Variants in MAP4K3 observed in about 807,000 individuals in gnomAD.
The protein encoded by MAP4K3 is mitogen-activated protein kinase kinase kinase kinase 3.
In MAP4K3, 94 loss-of-function variants were observed where a neutral mutation model predicts 143.5. That is an observed-to-expected ratio of 0.65 (90% CI 0.55 to 0.78). MAP4K3 has a LOEUF of 0.78. Among genes scored for constraint, MAP4K3 ranks in the 30% least tolerant of loss-of-function variants. MAP4K3 has a pLI of 0.00. For missense variants in MAP4K3, 1,077 were observed against 1,068.1 expected (o/e 1.01, Z -0.12); for synonymous variants, 416 against 347.2 (o/e 1.20, Z -2.20).
At position 39,357,082 on chromosome 2, in the gene MAP4K3, G is replaced by C. The variant is rs1296459164; in HGVS notation, c.155-743C>G. Among the ~76,000 whole-genome samples the C allele has an allele frequency of 2.0e-5, 3 of 152,182 alleles. No individual in the cohort carries two copies. In the East Asian group the frequency reaches 5.8e-4, roughly 29 times the overall value. ...CAGAATGGGACTGTATTTTAGCCTG[G>C]TCAGACTATTAGCAAATAATCTCTC... is the stretch of plus-strand genomic sequence containing the variant. On this transcript the variant is annotated intron_variant, in intron 2 of 33. Transcript: ENST00000263881.
intron 30 of MAP4K3, 38 bp from the exon 31 acceptor site, chr2:39,258,478 G>A: frequency 6.3e-7 from 1 of 1,595,348 alleles, no homozygotes; most frequent in Non-Finnish European, 8.6e-7. Context: ...TAAGATAAAA[G>A]AAGTCTTATT....
At chr2:39,419,905 A>G (rs907084828) in intron 1 of MAP4K3, among the ~76,000 whole-genome samples, 2 of 152,216 alleles carry the variant, frequency 1.3e-5, no homozygotes, top group African/African-American at 4.8e-5. Flanking sequence ...AAGATGGTGG[A>G]GCACAGGATG....
intron 24 of MAP4K3, among the ~76,000 whole-genome samples, chr2:39,276,264 T>C (rs1265959170): frequency 6.6e-6 from 1 of 152,182 alleles, no homozygotes; most frequent in African/African-American, 2.4e-5. Flanking sequence ...TACCATTCTC[T>C]TCAAATCAAC....
At chr2:39,364,163 G>A (rs970795890) in intron 2 of MAP4K3, among the ~76,000 whole-genome samples, 2 of 152,088 alleles carry the variant, frequency 1.3e-5, no homozygotes, top group African/African-American at 2.4e-5. Flanking sequence ...TCACTTGTGG[G>A]TATATACCCC....
chr2:39,423,171 T>C (rs1664940430), intron 1 of MAP4K3, among the ~76,000 whole-genome samples: 1 of 152,194 alleles, frequency 6.6e-6, no homozygotes, highest in African/African-American at 2.4e-5. Context: ...TAGGAAAAGA[T>C]GACCAACATC....
chr2:39,280,991 A>T (rs192061194), intron 22 of MAP4K3, among the ~76,000 whole-genome samples: 25 of 152,326 alleles, frequency 1.6e-4, no homozygotes, highest in Middle Eastern at 3.4e-3. Context: ...ATATATCATA[A>T]TGAAATATAT....
chr2:39,276,355 T>C (rs1267371844), intron 24 of MAP4K3, among the ~76,000 whole-genome samples: 2 of 152,222 alleles, frequency 1.3e-5, no homozygotes, highest in African/African-American at 4.8e-5. Flanking sequence ...AAAGTTAACC[T>C]AGACCTCTCT....
At chr2:39,399,883 A>G (rs1168734003) in intron 1 of MAP4K3, among the ~76,000 whole-genome samples, 1 of 152,192 alleles carries the variant, frequency 6.6e-6, no homozygotes, top group Admixed American at 6.5e-5. Flanking sequence ...CATAATATTT[A>G]TATGGGGGAG....
chr2:39,391,358 C>CAA (rs755777714), intron 1 of MAP4K3, among the ~76,000 whole-genome samples: 1,959 of 45,360 alleles, frequency 0.043, 335 homozygotes, highest in South Asian at 0.11. Context: ...GACTCCATCT[C>CAA]AAAAAAAAAA....
rs772430687 is a variant in MAP4K3 at position 39,280,266 on chromosome 2, T to C, written c.1714+6A>G. 3 of 1,527,096 alleles carry C rather than the reference T, an allele frequency of 2.0e-6. No homozygotes were observed. Among genetic ancestry groups the C allele is most frequent in the East Asian group, 2.3e-5 (1 of 43,538 alleles). The allele number at this position is 1,527,096 out of a possible 1,614,324, so 94.6% of individuals were successfully genotyped here. On this transcript the variant is annotated splice_donor_region_variant and intron_variant, in intron 23 of 33. Coordinates refer to ENST00000263881, the MANE Select transcript of MAP4K3 (RefSeq NM_003618.4). Reference sequence around the variant, plus strand: ...GAAGATAACAGATAAAAACACACAATACTACCTCTTGTATCTGGGTTTATC... The same window carrying C: ...GAAGATAACAGATAAAAACACACAACACTACCTCTTGTATCTGGGTTTATC...
chr2:39,433,497 A>C (rs140305607), intron 1 of MAP4K3, among the ~76,000 whole-genome samples: 1 of 152,214 alleles, frequency 6.6e-6, no homozygotes, highest in African/African-American at 2.4e-5. Context: ...TGTGAAAATC[A>C]TATTATGATC....
At chr2:39,323,097 A>G (rs942195702) in intron 12 of MAP4K3, among the ~76,000 whole-genome samples, 2 of 152,216 alleles carry the variant, frequency 1.3e-5, no homozygotes, top group Admixed American at 1.3e-4. Context: ...TGCAAATAAA[A>G]AAGTTATGAA....
intron 16 of MAP4K3, among the ~76,000 whole-genome samples, chr2:39,297,998 C>A (rs1356572357): frequency 6.6e-6 from 1 of 151,922 alleles, no homozygotes; most frequent in Non-Finnish European, 1.5e-5. Flanking sequence ...TAGTGAGGGG[C>A]TACATTTTTT....
intron 1 of MAP4K3, among the ~76,000 whole-genome samples, chr2:39,391,654 T>G (rs1264756553): frequency 6.6e-6 from 1 of 152,152 alleles, no homozygotes; most frequent in African/African-American, 2.4e-5. Context: ...CAACAGGTGC[T>G]CAAAATATGT....
intron 4 of MAP4K3, among the ~76,000 whole-genome samples, chr2:39,340,567 T>C (rs1214686310): frequency 6.6e-6 from 1 of 152,226 alleles, no homozygotes; most frequent in Non-Finnish European, 1.5e-5. Context: ...CATGACAACC[T>C]ATTTCTGTAA....
At chr2:39,294,153 C>A (rs1682174010) in intron 16 of MAP4K3, 1 of 152,136 alleles carries the variant, frequency 6.6e-6, no homozygotes, top group Non-Finnish European at 1.5e-5. Flanking sequence ...AAAAGTTTTA[C>A]TCTCCCTAAA....
At chr2:39,434,247 A>C (rs940718734) in intron 1 of MAP4K3, among the ~76,000 whole-genome samples, 1 of 152,242 alleles carries the variant, frequency 6.6e-6, no homozygotes, top group Non-Finnish European at 1.5e-5. Context: ...TCTCTAGCAC[A>C]ATTAATTTGT....
intron 12 of MAP4K3, among the ~76,000 whole-genome samples, chr2:39,316,581 A>T (rs1196090800): frequency 6.6e-6 from 1 of 152,126 alleles, no homozygotes; most frequent in Non-Finnish European, 1.5e-5. Context: ...CATGTAAAAA[A>T]GGAGAAAGGG....
At chr2:39,393,768 T>C (rs962661462) in intron 1 of MAP4K3, among the ~76,000 whole-genome samples, 9 of 152,140 alleles carry the variant, frequency 5.9e-5, no homozygotes, top group Non-Finnish European at 8.8e-5. Flanking sequence ...TGTACCAAAA[T>C]CCACACTTGC....
Sources: allele counts gnomAD v4.1 joint callset (sites outside exome capture counted in the v4.1 genomes callset), GRCh38; gene constraint gnomAD v4.1.1; transcripts MANE v1.5; gene names NCBI Gene and HGNC (gene_info 2026-07-23, HGNC 2026-07-21).